The following R3HDM1 variants were observed in gnomAD, a reference collection of about 807,000 sequenced individuals.
R3HDM1 encodes R3H domain-containing protein 1.
R3HDM1 carries 46 observed loss-of-function variants against 141.1 expected under a neutral mutation model. The ratio of observed to expected loss-of-function variants is 0.33; its 90% CI spans 0.26 to 0.42. R3HDM1 has a LOEUF of 0.42. Among genes scored for constraint, R3HDM1 ranks in the 10% least tolerant of loss-of-function variants. The pLI, the probability that R3HDM1 is intolerant of heterozygous loss-of-function variation, is 1.00. For synonymous variants in R3HDM1, 435 were observed against 472.9 expected (o/e 0.92, Z 1.04); for missense variants, 1,184 against 1,368.3 (o/e 0.87, Z 2.12).
intron 1 of R3HDM1, among the ~76,000 whole-genome samples, chr2:135,568,161 A>AT (rs902748028): frequency 1.1e-4 from 17 of 151,930 alleles, no homozygotes; most frequent in African/African-American, 3.4e-4. Context: ...GACTCAGGTG[A>AT]TTCTCCCACC....
rs145050347 is a variant in R3HDM1, at chr2:135,628,708, C to A, written c.498-3010C>A. ...ATGGCACAATCTCGGCTCACAGCAA[C>A]CTCCGCCTCCCGGGTTCAAGCAATT... On this transcript the variant is annotated intron_variant, in intron 7 of 26. Coordinates refer to ENST00000683871, the MANE Select transcript of R3HDM1 (RefSeq NM_001378107.1). 5.4e-3 allele frequency among the ~76,000 whole-genome samples: 827 copies of A among 152,230 alleles called. 7 individuals are homozygous for A. The highest frequency in any genetic ancestry group is 0.019 in the African/African-American group (797 of 41,556).
chr2:135,706,531 G>C (rs1034092116), intron 21 of R3HDM1, among the ~76,000 whole-genome samples: 1 of 152,116 alleles, frequency 6.6e-6, no homozygotes. Context: ...GCGGCCTTAC[G>C]CAGTGTTTGT....
At chr2:135,593,259 T>G (rs774273566) in intron 1 of R3HDM1, among the ~76,000 whole-genome samples, 1 of 152,082 alleles carries the variant, frequency 6.6e-6, no homozygotes, top group Non-Finnish European at 1.5e-5. Flanking sequence ...CTCATGCCAA[T>G]CAGATCATAT....
intron 1 of R3HDM1, among the ~76,000 whole-genome samples, chr2:135,546,865 T>C (rs1055267891): frequency 6.6e-6 from 1 of 152,084 alleles, no homozygotes; most frequent in African/African-American, 2.4e-5. Context: ...AGAGATGGAG[T>C]TTCACCATGT....
At chr2:135,679,059 C>T (rs982114051) in intron 20 of R3HDM1, among the ~76,000 whole-genome samples, 3 of 136,364 alleles carry the variant, frequency 2.2e-5, no homozygotes, top group African/African-American at 8.1e-5. Flanking sequence ...GTGCCCAGCC[C>T]GGCTTTCTTT....
chr2:135,607,346 T>C lies in R3HDM1; in HGVS notation c.171+2330T>C, dbSNP rs13409680. ...TGTTCAGTCAAAAACTGTCTTTTTT[T>C]CCTATTATGTACCAGACACCAGGTT... On this transcript the variant is annotated intron_variant, in intron 3 of 26. Coordinates refer to ENST00000683871, the MANE Select transcript of R3HDM1 (RefSeq NM_001378107.1). The C allele has an allele frequency of 0.024, 23,593 of 984,500 alleles. 4,013 individuals carry two copies. In the African/African-American group the frequency reaches 0.37, roughly 15 times the overall value. The allele number at this position is 984,500 out of a possible 1,614,324, so 61.0% of individuals were successfully genotyped here.
chr2:135,551,426 A>G (rs1452974169), intron 1 of R3HDM1, among the ~76,000 whole-genome samples: 1 of 152,250 alleles, frequency 6.6e-6, no homozygotes, highest in Non-Finnish European at 1.5e-5. Flanking sequence ...TACCTAGTAG[A>G]ATGAAAAACT....
chr2:135,548,195 G>C (rs1046510613), intron 1 of R3HDM1, among the ~76,000 whole-genome samples: 1 of 152,078 alleles, frequency 6.6e-6, no homozygotes, highest in African/African-American at 2.4e-5. Flanking sequence ...TAAGAGACCT[G>C]TTGCCAATCT....
intron 23 of R3HDM1, 122 bp from the exon 24 acceptor site, chr2:135,715,427 CA>C (rs2076073143): frequency 9.3e-7 from 1 of 1,080,712 alleles, no homozygotes; most frequent in Non-Finnish European, 1.3e-6. Context: ...TGGGGAGTTG[CA>C]GATCACATGC....
intron 20 of R3HDM1, 25 bp from the exon 21 acceptor site, chr2:135,680,148 C>G: frequency 6.2e-7 from 1 of 1,604,464 alleles, no homozygotes; most frequent in Non-Finnish European, 8.5e-7. Flanking sequence ...ACCTTTTTCT[C>G]TTGAAATTGT....
chr2:135,711,914 G>A (rs947317968), intron 23 of R3HDM1, among the ~76,000 whole-genome samples: 14 of 142,032 alleles, frequency 9.9e-5, no homozygotes, highest in Non-Finnish European at 1.5e-5. Flanking sequence ...ATCTGAGATC[G>A]TGCCCTTGCA....
intron 19 of R3HDM1, chr2:135,669,195 G>C: frequency 1.0e-6 from 1 of 985,072 alleles, no homozygotes; most frequent in Non-Finnish European, 1.2e-6. Flanking sequence ...AGTAAACCAC[G>C]CATCTTGCGG....
rs1230907653 is a variant in R3HDM1 at position 135,641,725 on chromosome 2, T to G, written c.1409T>G (p.Phe470Cys). 1.2e-6 allele frequency: 2 copies of G among 1,614,070 alleles called. No homozygotes were observed. The highest frequency in any genetic ancestry group is 1.7e-6 in the Non-Finnish European group (2 of 1,180,022). ...CAAGTCGCATCTCCTAGCACTAGCT[T>G]CTTTTTGCTTCCCTTGGAAGCGGCA... ...NGQVASPSTS[F>C]FLLPLEAAGI... Residue 470 changes from phenylalanine to cysteine, a missense_variant, in exon 15 of 27, where the codon TTC becomes TGC. Physicochemically the swap from Phe to Cys is radical, Grantham distance 205. Around this residue, in one of 5 missense-constraint regions of R3HDM1, gnomAD observed 240 missense variants for 312.3 expected, o/e 0.77. Transcript: ENST00000683871.
chr2:135,596,232 A>T (rs1489836545), intron 1 of R3HDM1, among the ~76,000 whole-genome samples: 1 of 152,124 alleles, frequency 6.6e-6, no homozygotes, highest in African/African-American at 2.4e-5. Flanking sequence ...TCCTGACCTC[A>T]AGTGATCCAC....
rs533381995 is a variant in R3HDM1, at chr2:135,608,093, G to T, written c.171+3077G>T. 3 of 512,764 alleles carry T rather than the reference G, an allele frequency of 5.9e-6. No individual in the cohort carries two copies. In the African/African-American group the frequency reaches 6.3e-5, roughly 11 times the overall value. 31.8% of individuals were successfully genotyped at this position (512,764 alleles called of 1,614,324 possible). On this transcript the variant is annotated intron_variant, in intron 3 of 26. Coordinates refer to ENST00000683871, the MANE Select transcript of R3HDM1 (RefSeq NM_001378107.1). ...CACTTTGGGAGGCCAAGGTGGGCGG[G>T]TCACAAGGTCAGGAGTTCGAGACCA...
chr2:135,629,674 G>A (rs1019891848), intron 7 of R3HDM1, among the ~76,000 whole-genome samples: 1 of 152,166 alleles, frequency 6.6e-6, no homozygotes, highest in Non-Finnish European at 1.5e-5. Context: ...CAGGAGCTTG[G>A]CAAATACAGA....
In R3HDM1 at chr2:135,715,647, C is replaced by A. The variant is rs747251102; in HGVS notation, c.2834C>A (p.Pro945Gln). The A allele has an allele frequency of 6.2e-7, 1 of 1,613,742 alleles. No individual in the cohort carries two copies. The highest frequency in any genetic ancestry group is 1.3e-5 in the African/African-American group (1 of 74,926). ...AAAACTGTACGTCCCTCTGGACCAC[C>A]ACTTTCCATCATGCCCCAATTTTCT... ...TLKTVRPSGP[P>Q]LSIMPQFSRP... is the part of the protein sequence containing the mutation. The change falls in exon 24 of 27, where the codon CCA (proline) becomes CAA (glutamine). Residue 945 changes from proline (P) to glutamine (Q), a missense_variant. By Grantham distance (76) the Pro-to-Gln change is moderately conservative. Transcript: ENST00000683871.
In R3HDM1 at chr2:135,724,907, T is replaced by A. The variant is rs1168394615; in HGVS notation, c.*615T>A. On this transcript the variant is annotated 3_prime_UTR_variant, in exon 27 of 27. Transcript: ENST00000683871. ...GGTAGTGTGAACATTAAGTATAAAA[T>A]AAATTATGTTCTTAATGCCTCTTAA... is the stretch of plus-strand genomic sequence containing the variant. The A allele has an allele frequency of 6.6e-6, 1 of 152,578 alleles. No homozygotes were observed. Among genetic ancestry groups the A allele is most frequent in the Non-Finnish European group, 1.5e-5 (1 of 68,038 alleles). The allele number at this position is 152,578 out of a possible 1,614,324, so 9.5% of individuals were successfully genotyped here. A position where few individuals can be genotyped will look rare whatever the true frequency, so the allele number is the denominator to read the frequency against.
At chr2:135,532,564 T>C (rs867611204) in intron 1 of R3HDM1, among the ~76,000 whole-genome samples, 15 of 151,126 alleles carry the variant, frequency 9.9e-5, no homozygotes, top group Admixed American at 2.0e-4. Flanking sequence ...ATTTTCTAAA[T>C]ATATATATAT....
Sources: allele counts gnomAD v4.1 joint callset (sites outside exome capture counted in the v4.1 genomes callset), GRCh38; gene constraint gnomAD v4.1.1; regional missense constraint gnomAD v4.1.1; transcripts MANE v1.5; gene names NCBI Gene and HGNC (gene_info 2026-07-23, HGNC 2026-07-21).